The following THOC2 variants were observed in gnomAD, a reference collection of about 807,000 sequenced individuals.
THOC2 encodes THO complex subunit 2.
THOC2 carries 10 observed loss-of-function variants against 128.4 expected under a neutral mutation model. The observed-to-expected ratio is 0.08, with a 90% CI of 0.05 to 0.13. The LOEUF is 0.13. Ranked by LOEUF, THOC2 falls within the 10% of genes least tolerant of loss-of-function variation. The probability of loss-of-function intolerance (pLI) is 1.00; values close to 1 mark genes in which losing one functional copy is unlikely to be tolerated. For synonymous variants in THOC2, 393 were observed against 396.9 expected (o/e 0.99, Z 0.12); for missense variants, 535 against 1,155.7 (o/e 0.46, Z 7.79).
chrX:123,714,173 G>A (rs1164476184), intron 1 of THOC2, among the ~76,000 whole-genome samples: 1 of 112,439 alleles, frequency 8.9e-6, no homozygotes, highest in Non-Finnish European at 1.9e-5. Context: ...AATGGCAATA[G>A]TAAGTCCTTT....
intron 7 of THOC2, among the ~76,000 whole-genome samples, chrX:123,688,490 G>C (rs1051053343): frequency 9.0e-6 from 1 of 111,327 alleles, no homozygotes; most frequent in African/African-American, 3.3e-5. Context: ...CAGCATTTTG[G>C]AAGGTCAAGG....
intron 33 of THOC2, among the ~76,000 whole-genome samples, chrX:123,617,351 G>T (rs2046935085): frequency 9.0e-6 from 1 of 110,782 alleles, no homozygotes; most frequent in African/African-American, 3.3e-5. Flanking sequence ...CTGGTTGCAT[G>T]TGGAATAAAT....
intron 12 of THOC2, among the ~76,000 whole-genome samples, chrX:123,664,677 G>A (rs981241450): frequency 1.2e-4 from 13 of 111,707 alleles, no homozygotes; most frequent in Non-Finnish European, 2.4e-4. Flanking sequence ...AGTTAGAATG[G>A]CGATCATTAA....
Position 123,644,686 on chromosome X carries a change from C to T in THOC2, c.1560-10G>A, listed in dbSNP as rs375513905. On this transcript the variant is annotated splice_polypyrimidine_tract_variant and intron_variant, in intron 14 of 38. Transcript: ENST00000245838. ...GCCATACAGACGATATCTTAAAAAA[C>T]GATGAGATGAAGAATTAGGAAAAGT... 91 of 1,180,958 alleles carry T rather than the reference C, an allele frequency of 7.7e-5. No homozygotes were observed. The highest frequency in any genetic ancestry group is 9.5e-5 in the Non-Finnish European group (83 of 876,193).
chrX:123,638,650 G>T (rs2047767688), intron 17 of THOC2, among the ~76,000 whole-genome samples: 1 of 107,938 alleles, frequency 9.3e-6, no homozygotes, highest in Admixed American at 1.0e-4. Context: ...CAGAGCAAAA[G>T]TCTGTCTCAC....
chrX:123,637,205 T>C (rs2047706421), intron 18 of THOC2, among the ~76,000 whole-genome samples: 1 of 111,819 alleles, frequency 8.9e-6, no homozygotes, highest in Non-Finnish European at 1.9e-5. Context: ...AACTTACTTG[T>C]ATGACTTATT....
chrX:123,628,622 G>T (rs746443484), intron 22 of THOC2, among the ~76,000 whole-genome samples: 29 of 108,736 alleles, frequency 2.7e-4, no homozygotes, highest in Middle Eastern at 4.7e-3. Context: ...GAGGTGAGAG[G>T]ATCACTTGAA....
At chrX:123,729,028 G>T (rs2052116612) in intron 1 of THOC2, among the ~76,000 whole-genome samples, 1 of 112,185 alleles carries the variant, frequency 8.9e-6, no homozygotes, top group Admixed American at 9.5e-5. Flanking sequence ...ACCAGTACAT[G>T]CAAGTTTATT....
At chrX:123,620,654 T>G (rs2147583370) in intron 32 of THOC2, 1 of 297,823 alleles carries the variant, frequency 3.4e-6, no homozygotes, top group South Asian at 1.4e-4. Flanking sequence ...CACTTCTGGG[T>G]AAAATTTCTC....
At chrX:123,695,477 A>G (rs1021513336) in intron 7 of THOC2, among the ~76,000 whole-genome samples, 7 of 112,151 alleles carry the variant, frequency 6.2e-5, no homozygotes, top group African/African-American at 2.3e-4. Flanking sequence ...CAGCTGTTGC[A>G]CTTACTTTAA....
rs2047578898 is a variant in THOC2 at position 123,633,933 on chromosome X, A to G, written c.2136+20T>C. 1 of 1,024,144 alleles carries G rather than the reference A, an allele frequency of 9.8e-7. No individual in the cohort carries two copies. Among genetic ancestry groups the G allele is most frequent in the African/African-American group, 1.9e-5 (1 of 52,844 alleles). 84.4% of individuals were successfully genotyped at this position (1,024,144 alleles called of 1,213,427 possible). On this transcript the variant is annotated intron_variant, in intron 20 of 38. Coordinates refer to ENST00000245838, the MANE Select transcript of THOC2 (RefSeq NM_001081550.2). The stretch of plus-strand genomic sequence containing the variant: ...CATTATGAATTTTAAAAGTTGATGA[A>G]CAAAAATAGCAATTCTTACCTCAGC...
intron 4 of THOC2, 107 bp downstream of exon 4, chrX:123,703,347 A>G (rs1011501157): frequency 3.2e-5 from 16 of 495,273 alleles, no homozygotes; most frequent in African/African-American, 2.7e-4. Context: ...ATTTGCTTCT[A>G]GACTTGCAGA....
intron 4 of THOC2, among the ~76,000 whole-genome samples, chrX:123,698,964 A>C (rs1469590732): frequency 9.0e-6 from 1 of 111,590 alleles, no homozygotes; most frequent in East Asian, 2.8e-4. Flanking sequence ...CTACTGAAAT[A>C]TTTAAAAACT....
rs1040270654 is a variant in THOC2, at chrX:123,716,463, C to G, written c.72-3555G>C. Among the ~76,000 whole-genome samples, 5 of 111,241 alleles carry G rather than the reference C, an allele frequency of 4.5e-5. No homozygotes were observed. In the Admixed American group the frequency reaches 4.8e-4, roughly 11 times the overall value. On this transcript the variant is annotated intron_variant, in intron 1 of 38. Transcript: ENST00000245838. ...AGTGTGGGCCGGGCACGGTGGCTCA[C>G]GCCTGTAATCCCAGCATTTTGGGAG...
intron 18 of THOC2, among the ~76,000 whole-genome samples, chrX:123,637,579 GT>G (rs1396074394): frequency 9.0e-6 from 1 of 111,157 alleles, no homozygotes; most frequent in East Asian, 2.8e-4. Context: ...GGCCAACATG[GT>G]GAAACCCTGC....
intron 12 of THOC2, among the ~76,000 whole-genome samples, chrX:123,659,081 G>A (rs746217094): frequency 2.8e-4 from 31 of 112,378 alleles, no homozygotes; most frequent in African/African-American, 1.0e-3. Context: ...ATAGCAAAAT[G>A]TGTCCTTTTA....
intron 12 of THOC2, among the ~76,000 whole-genome samples, chrX:123,660,636 C>A (rs1343651467): frequency 8.9e-6 from 1 of 112,152 alleles, no homozygotes; most frequent in Non-Finnish European, 1.9e-5. Flanking sequence ...CCTTTTGTTT[C>A]TTGAGCAGGC....
chrX:123,686,570 C>T lies in THOC2; in HGVS notation c.746G>A (p.Gly249Glu). 8.4e-7 allele frequency: 1 copy of T among 1,194,779 alleles called. No homozygotes were observed. Residue 249 changes from glycine to glutamate, a missense_variant, in exon 8 of 39, where the codon GGG becomes GAG. Transcript: ENST00000245838. ...CEPQTLCHIL[G>E]FKFKFYQEPN... is the part of the protein sequence containing the mutation. The stretch of plus-strand genomic sequence containing the variant: ...TACCTGGTAAAACTTGAATTTGAAC[C>T]CAAGAATATGACACAGTGTTTGCGG...
At chrX:123,694,848 T>C (rs762537289) in intron 7 of THOC2, among the ~76,000 whole-genome samples, 6 of 109,861 alleles carry the variant, frequency 5.5e-5, no homozygotes, top group South Asian at 3.9e-4. Context: ...GGCTATTTAG[T>C]TGGGCACAGT....
Sources: allele counts gnomAD v4.1 joint callset (sites outside exome capture counted in the v4.1 genomes callset), GRCh38; gene constraint gnomAD v4.1.1; transcripts MANE v1.5; gene names NCBI Gene and HGNC (gene_info 2026-07-23, HGNC 2026-07-21).